NBEA: variants seen among roughly 807,000 people sequenced by gnomAD.
The protein encoded by NBEA is neurobeachin, also known as lysosomal-trafficking regulator 2.
NBEA carries 44 observed loss-of-function variants against 343.4 expected under a neutral mutation model. The observed-to-expected ratio is 0.13, with a 90% CI of 0.10 to 0.16. The LOEUF is 0.16. Among genes scored for constraint, NBEA ranks in the 10% least tolerant of loss-of-function variants. The pLI, the probability that NBEA is intolerant of heterozygous loss-of-function variation, is 1.00. For synonymous variants in NBEA, 1,175 were observed against 1,238.7 expected (o/e 0.95, Z 1.08); for missense variants, 2,555 against 3,631.3 (o/e 0.70, Z 7.62).
At chr13:34,989,561 G>A (rs11618192) in intron 1 of NBEA, among the ~76,000 whole-genome samples, 27,814 of 150,430 alleles carry the variant, frequency 0.18, 3,890 homozygotes, top group Admixed American at 0.27. Flanking sequence ...GTCTGCCTCC[G>A]TGGTCCAGTC....
In NBEA at chr13:35,315,881, A is replaced by T. The variant is rs570834619; in HGVS notation, c.5903+6289A>T. On this transcript the variant is annotated intron_variant, in intron 36 of 58. Transcript: ENST00000379939. Reference sequence around the variant, plus strand: ...AACAAGCATTGGTTTGCTTGAGTTTATTTCTCTTATGTCTTTGATTTGGCA... The same window carrying T: ...AACAAGCATTGGTTTGCTTGAGTTTTTTTCTCTTATGTCTTTGATTTGGCA... 5.3e-5 allele frequency among the ~76,000 whole-genome samples: 8 copies of T among 152,138 alleles called. No individual in the cohort carries two copies. In the East Asian group the frequency reaches 1.5e-3, roughly 29 times the overall value.
At chr13:35,109,195 C>A (rs2066065479) in intron 11 of NBEA, 95 bp from the exon 12 acceptor site, 3 of 1,040,448 alleles carry the variant, frequency 2.9e-6, no homozygotes, top group African/African-American at 1.6e-5. Context: ...TTAGGGATAG[C>A]ATATGAAAAA....
At chr13:35,324,621 G>T (rs1350927329) in intron 36 of NBEA, among the ~76,000 whole-genome samples, 1 of 152,138 alleles carries the variant, frequency 6.6e-6, no homozygotes, top group Non-Finnish European at 1.5e-5. Flanking sequence ...GTTAGTTTTA[G>T]CAGGGACATA....
At chr13:35,640,247 A>G (rs944341199) in intron 49 of NBEA, among the ~76,000 whole-genome samples, 6 of 152,198 alleles carry the variant, frequency 3.9e-5, no homozygotes, top group African/African-American at 1.4e-4. Context: ...TTCATAGAGG[A>G]GGTAGAACTT....
chr13:34,984,579 A>G (rs1355038436), intron 1 of NBEA, among the ~76,000 whole-genome samples: 2 of 142,872 alleles, frequency 1.4e-5, no homozygotes, highest in African/African-American at 4.9e-5. Context: ...AATTCTGTGA[A>G]GAAAGTCACT....
At chr13:35,434,560 A>G (rs2152932210) in intron 39 of NBEA, among the ~76,000 whole-genome samples, 1 of 152,308 alleles carries the variant, frequency 6.6e-6, no homozygotes, top group East Asian at 1.9e-4. Context: ...TTCTAAGGTC[A>G]GGGAGTGGAA....
intron 36 of NBEA, among the ~76,000 whole-genome samples, chr13:35,338,035 C>A (rs976683550): frequency 2.0e-5 from 3 of 151,622 alleles, no homozygotes; most frequent in Non-Finnish European, 4.4e-5. Context: ...ATTAACATAA[C>A]CTCCCCGCCC....
intron 38 of NBEA, among the ~76,000 whole-genome samples, chr13:35,431,733 G>A (rs1421946888): frequency 6.6e-6 from 1 of 152,122 alleles, no homozygotes; most frequent in Non-Finnish European, 1.5e-5. Flanking sequence ...GCTGTGGGCA[G>A]CGGGGAATTA....
intron 34 of NBEA, among the ~76,000 whole-genome samples, chr13:35,284,183 C>G (rs1054995294): frequency 1.4e-4 from 21 of 152,148 alleles, no homozygotes; most frequent in African/African-American, 5.1e-4. Context: ...TATTTACTAT[C>G]AGGACCTTTA....
At chr13:35,537,212 C>G (rs1176943062) in intron 41 of NBEA, among the ~76,000 whole-genome samples, 2 of 152,020 alleles carry the variant, frequency 1.3e-5, no homozygotes, top group Non-Finnish European at 2.9e-5. Flanking sequence ...TTCTGTCTCC[C>G]TCAATCATAG....
intron 34 of NBEA, among the ~76,000 whole-genome samples, chr13:35,263,812 T>C (rs2033427084): frequency 1.3e-5 from 2 of 151,908 alleles, no homozygotes; most frequent in South Asian, 2.1e-4. Flanking sequence ...AATAAATGCC[T>C]ACATCAAAAA....
intron 30 of NBEA, among the ~76,000 whole-genome samples, chr13:35,190,742 AT>A (rs951222547): frequency 2.0e-5 from 3 of 152,154 alleles, no homozygotes; most frequent in African/African-American, 4.8e-5. Context: ...AAGCAAAGAA[AT>A]AGGAAAGTAT....
chr13:35,048,455 G>A, intron 4 of NBEA, 108 bp from the exon 5 acceptor site: 1 of 984,964 alleles, frequency 1.0e-6, no homozygotes. Flanking sequence ...GTGATTTTCT[G>A]GTATTTATAC....
At chr13:34,971,887 C>T (rs1014999183) in intron 1 of NBEA, among the ~76,000 whole-genome samples, 5 of 150,256 alleles carry the variant, frequency 3.3e-5, no homozygotes, top group Middle Eastern at 3.4e-3. Context: ...CCCTCCTTTT[C>T]AAATTTTTTG....
intron 47 of NBEA, among the ~76,000 whole-genome samples, chr13:35,605,957 T>C (rs1456381742): frequency 2.0e-5 from 3 of 152,166 alleles, no homozygotes; most frequent in Non-Finnish European, 4.4e-5. Context: ...AAATCACATA[T>C]TGTAATTGTC....
intron 35 of NBEA, among the ~76,000 whole-genome samples, chr13:35,292,404 CAGTTAATGATGCTGTGG>C (rs1018243519): frequency 1.3e-5 from 2 of 151,950 alleles, no homozygotes; most frequent in African/African-American, 4.8e-5. Context: ...GAAATAAATA[CAGTTAATGATGCTGTGG>C]AGATTGCTTG....
intron 33 of NBEA, among the ~76,000 whole-genome samples, chr13:35,228,387 T>A (rs77150268): frequency 4.0e-5 from 6 of 150,078 alleles, no homozygotes; most frequent in Non-Finnish European, 5.9e-5. Context: ...TTTTTTTTTT[T>A]ATTTGTGTAA....
In NBEA at chr13:35,566,982, C is replaced by A. The variant is rs774027309; in HGVS notation, c.7000C>A (p.Leu2334Met). Reference protein sequence around the residue: ...LTNYESEELDLTLPGNFRDLS... With the variant: ...LTNYESEELDMTLPGNFRDLS... ...CAACTATGAATCAGAAGAGTTGGAC[C>A]TGACTCTTCCAGGAAACTTCAGGGA... The change falls in exon 45 of 59, where the codon CTG becomes ATG. Residue 2334 changes from leucine (L) to methionine (M), a missense_variant. Leu to Met is a conservative substitution (Grantham distance 15). Coordinates refer to ENST00000379939, the MANE Select transcript of NBEA (RefSeq NM_001385012.1). 1 of 1,611,824 alleles carries A rather than the reference C, an allele frequency of 6.2e-7. No individual in the cohort carries two copies. Among genetic ancestry groups the A allele is most frequent in the Non-Finnish European group, 8.5e-7 (1 of 1,178,234 alleles).
At chr13:35,175,878 AT>A (rs1402092247) in intron 27 of NBEA, among the ~76,000 whole-genome samples, 9 of 152,174 alleles carry the variant, frequency 5.9e-5, no homozygotes. Context: ...AAAAGGAACA[AT>A]TACACAAGCT....
Sources: gnomAD v4.1 joint callset for allele counts (sites outside exome capture counted in the v4.1 genomes callset) on GRCh38, gnomAD v4.1.1 for gene constraint, MANE v1.5 for transcripts, NCBI Gene and HGNC (gene_info 2026-07-23, HGNC 2026-07-21) for gene names.